DYNC2I2: variants seen among roughly 807,000 people sequenced by gnomAD.
DYNC2I2 encodes the protein cytoplasmic dynein 2 intermediate chain 2.
DYNC2I2 carries 39 observed loss-of-function variants against 52.0 expected under a neutral mutation model. That is an observed-to-expected ratio of 0.75 (90% CI 0.58 to 0.98). The LOEUF (loss-of-function observed/expected upper bound fraction) is 0.98. DYNC2I2 is among the 50% of genes least tolerant of loss of function. The pLI is 0.00. For missense variants in DYNC2I2, 743 were observed against 728.4 expected (o/e 1.02, Z -0.23); for synonymous variants, 359 against 321.1 (o/e 1.12, Z -1.26).
Position 128,640,827 on chromosome 9 carries a change from G to C in DYNC2I2, c.299C>G (p.Pro100Arg). 1.2e-6 allele frequency: 2 copies of C among 1,613,584 alleles called. No individual in the cohort carries two copies. Among genetic ancestry groups the C allele is most frequent in the Non-Finnish European group, 1.7e-6 (2 of 1,179,672 alleles). ...EAPVPVSVQP[P>R]SQYDIPRLAA... ...GAGCCTGGGTATGTCATACTGGGAC[G>C]GGGGCTGCACGCTGACAGGCACGGG... Residue 100 changes from proline to arginine, a missense_variant, in exon 2 of 9, where the codon CCG becomes CGG. Transcript: ENST00000372715.
At chr9:128,660,799 G>A (rs372647258), upstream of DYNC2I2, among the ~76,000 whole-genome samples, 1 of 151,710 alleles carries the variant, frequency 6.6e-6, no homozygotes, top group East Asian at 2.0e-4. Context: ...GCACAATCTC[G>A]GCTCATTGCA....
chr9:128,637,086 T>C, intron 2 of DYNC2I2, 59 bp from the exon 3 acceptor site: 9 of 1,296,200 alleles, frequency 6.9e-6, no homozygotes, highest in African/African-American at 1.5e-5. Flanking sequence ...CATGACTGCC[T>C]AACCAAACCC....
intron 5 of DYNC2I2, 130 bp from the exon 6 acceptor site, chr9:128,635,389 C>CAGGCT: frequency 8.2e-7 from 1 of 1,213,638 alleles, no homozygotes; most frequent in Non-Finnish European, 1.1e-6. Flanking sequence ...CCAGGCTCAC[C>CAGGCT]CACCAGGGGG....
chr9:128,634,168 A>C lies in DYNC2I2; in HGVS notation c.1372+58T>G. 2.5e-6 allele frequency: 4 copies of C among 1,603,176 alleles called. No individual in the cohort carries two copies. In the East Asian group the frequency reaches 8.9e-5, roughly 36 times the overall value. On this transcript the variant is annotated intron_variant, in intron 8 of 8. Coordinates refer to ENST00000372715, the MANE Select transcript of DYNC2I2 (RefSeq NM_052844.4). ...TCCCCAACCCAGAACCCCAGGTACA[A>C]GCAGGGCCCAGACCACCCACCCCTT...
At chr9:128,652,057 C>A (rs117960844) in intron 1 of DYNC2I2, 1,718 of 152,436 alleles carry the variant, frequency 0.011, 31 homozygotes, top group Non-Finnish European at 0.018. Context: ...TGAACATTCT[C>A]ATCAGACTGG....
chr9:128,640,941 T>TG lies in DYNC2I2; in HGVS notation c.187-3dup. 6.3e-7 allele frequency: 1 copy of TG among 1,580,936 alleles called. No individual in the cohort carries two copies. The highest frequency in any genetic ancestry group is 8.6e-7 in the Non-Finnish European group (1 of 1,161,088). On this transcript the variant is annotated splice_region_variant and splice_polypyrimidine_tract_variant and intron_variant, in intron 1 of 8. Coordinates refer to ENST00000372715, the MANE Select transcript of DYNC2I2 (RefSeq NM_052844.4). ...AATGCTGGCCGTCTGGCAACTTTTC[T>TG]GGGGGGAGGGTGAAAACAAGTGTCA...
At chr9:128,665,052 TTTTC>T in the DYNC2I2 span, among the ~76,000 whole-genome samples, 2 of 150,890 alleles carry the variant, frequency 1.3e-5, no homozygotes, top group Admixed American at 1.3e-4. Context: ...TTCTTTTTCT[TTTTC>T]TTTTTTTTTT....
the DYNC2I2 span, among the ~76,000 whole-genome samples, chr9:128,667,754 G>C: frequency 4.7e-5 from 7 of 148,116 alleles, no homozygotes; most frequent in Non-Finnish European, 7.4e-5. Flanking sequence ...TTTTTTTTGA[G>C]AGGGAGTCTC....
the DYNC2I2 span, among the ~76,000 whole-genome samples, chr9:128,680,044 A>C: frequency 6.6e-6 from 1 of 151,902 alleles, no homozygotes; most frequent in Non-Finnish European, 1.5e-5. Context: ...TGCCTGTTTT[A>C]GTACTTTATT....
In DYNC2I2 at chr9:128,641,994, C is replaced by A. The variant is rs546191701; in HGVS notation, c.187-1055G>T. ...ATATACATACACACACACACACACA[C>A]ACACACACAAATGCCGGGCACGGTG... On this transcript the variant is annotated intron_variant, in intron 1 of 8. Coordinates refer to ENST00000372715, the MANE Select transcript of DYNC2I2 (RefSeq NM_052844.4). 2.2e-4 allele frequency among the ~76,000 whole-genome samples: 34 copies of A among 151,902 alleles called. 1 individual carries two copies. In the South Asian group the frequency reaches 5.6e-3, roughly 25 times the overall value.
chr9:128,674,785 G>A, the DYNC2I2 span, among the ~76,000 whole-genome samples: 7 of 152,120 alleles, frequency 4.6e-5, no homozygotes, highest in Admixed American at 6.6e-5. Context: ...TAGCCATGTC[G>A]TGCGGCTGGT....
intron 7 of DYNC2I2, 144 bp downstream of exon 7, chr9:128,634,545 G>A (rs1378363774): frequency 2.3e-6 from 3 of 1,277,368 alleles, no homozygotes; most frequent in East Asian, 5.1e-5. Flanking sequence ...CGATGCCTGG[G>A]CCAACCACCA....
At chr9:128,676,140 C>A in the DYNC2I2 span, among the ~76,000 whole-genome samples, 1 of 151,962 alleles carries the variant, frequency 6.6e-6, no homozygotes, top group East Asian at 1.9e-4. Context: ...TGCATTCCAG[C>A]CTGGATGATA....
intron 1 of DYNC2I2, among the ~76,000 whole-genome samples, chr9:128,648,340 G>A (rs1301193709): frequency 6.6e-6 from 1 of 152,146 alleles, no homozygotes; most frequent in East Asian, 1.9e-4. Context: ...CAGTAAGGTG[G>A]AGGTTGCAGT....
chr9:128,659,182 C>T (rs1301839895), upstream of DYNC2I2, among the ~76,000 whole-genome samples: 1 of 151,878 alleles, frequency 6.6e-6, no homozygotes, highest in Non-Finnish European at 1.5e-5. Flanking sequence ...AAGGCCCTTC[C>T]TCAAATGTAG....
At chr9:128,647,849 C>G (rs1860645244) in intron 1 of DYNC2I2, among the ~76,000 whole-genome samples, 1 of 151,936 alleles carries the variant, frequency 6.6e-6, no homozygotes, top group Non-Finnish European at 1.5e-5. Flanking sequence ...AAAGCAAGAC[C>G]AGCAGGGTCC....
Position 128,653,529 on chromosome 9 carries a change from A to C in DYNC2I2, c.186+3012T>G, listed in dbSNP as rs1359764114. Among the ~76,000 whole-genome samples the C allele has an allele frequency of 6.0e-5, 9 of 149,498 alleles. 1 individual carries two copies. The highest frequency in any genetic ancestry group is 2.3e-4 in the African/African-American group (9 of 39,432). On this transcript the variant is annotated intron_variant, in intron 1 of 8. Coordinates refer to ENST00000372715, the MANE Select transcript of DYNC2I2 (RefSeq NM_052844.4). ...GGAGATAAAGACTATCCTGGCTAACACAGAGAAACCCCACCTCTACTAAAA... is the reference window on the plus strand; with the variant it reads ...GGAGATAAAGACTATCCTGGCTAACCCAGAGAAACCCCACCTCTACTAAAA...
At chr9:128,638,906 T>C (rs1860461704) in intron 2 of DYNC2I2, among the ~76,000 whole-genome samples, 2 of 152,210 alleles carry the variant, frequency 1.3e-5, no homozygotes, top group African/African-American at 4.8e-5. Flanking sequence ...GAACCTATTA[T>C]TTTCAAACAA....
the DYNC2I2 span, among the ~76,000 whole-genome samples, chr9:128,662,494 C>T: frequency 2.5e-4 from 38 of 152,088 alleles, no homozygotes; most frequent in Middle Eastern, 6.8e-3. Flanking sequence ...TCACTGCAAC[C>T]TACTTCCTGG....
Sources: gnomAD v4.1 joint callset for allele counts (sites outside exome capture counted in the v4.1 genomes callset) on GRCh38, gnomAD v4.1.1 for gene constraint, MANE v1.5 for transcripts, NCBI Gene and HGNC (gene_info 2026-07-23, HGNC 2026-07-21) for gene names.